Variants in RIMS2 observed in about 807,000 individuals in gnomAD.
RIMS2 encodes regulating synaptic membrane exocytosis protein 2.
A neutral mutation model predicts 174.4 loss-of-function variants in RIMS2; 59 were observed. The ratio of observed to expected loss-of-function variants is 0.34; its 90% CI spans 0.27 to 0.42. The LOEUF (loss-of-function observed/expected upper bound fraction) is 0.42. Among genes scored for constraint, RIMS2 ranks in the 10% least tolerant of loss-of-function variants. RIMS2 has a pLI of 1.00. For synonymous variants in RIMS2, 606 were observed against 572.5 expected (o/e 1.06, Z -0.84); for missense variants, 1,620 against 1,666.3 (o/e 0.97, Z 0.48).
intron 19 of RIMS2, among the ~76,000 whole-genome samples, chr8:104,026,752 T>G (rs1448376799): frequency 2.0e-5 from 3 of 152,194 alleles, no homozygotes; most frequent in Non-Finnish European, 2.9e-5. Context: ...CTGCAGGCAT[T>G]CTAGGTATTG....
chr8:103,637,724 G>C (rs10955322), intron 1 of RIMS2, among the ~76,000 whole-genome samples: 27,715 of 152,092 alleles, frequency 0.18, 2,770 homozygotes, highest in African/African-American at 0.26. Context: ...AAGAAAACAG[G>C]ATTGGTACAA....
At chr8:104,136,945 A>C (rs1158242009) in intron 19 of RIMS2, among the ~76,000 whole-genome samples, 1 of 152,196 alleles carries the variant, frequency 6.6e-6, no homozygotes, top group East Asian at 1.9e-4. Context: ...CCCGGATTTA[A>C]AAGTTAAAAA....
chr8:103,851,062 A>T (rs1314967763), intron 3 of RIMS2, among the ~76,000 whole-genome samples: 1 of 152,016 alleles, frequency 6.6e-6, no homozygotes, highest in Non-Finnish European at 1.5e-5. Context: ...ATTTTTGTCA[A>T]ATCTAATGTG....
intron 19 of RIMS2, among the ~76,000 whole-genome samples, chr8:104,148,320 G>T (rs1196274926): frequency 1.3e-5 from 2 of 151,978 alleles, no homozygotes; most frequent in Non-Finnish European, 2.9e-5. Flanking sequence ...TGTCTTAAAT[G>T]AACCCACTGA....
intron 3 of RIMS2, among the ~76,000 whole-genome samples, chr8:103,876,864 TTATATATATATA>T (rs199997824): frequency 0.03 from 2,049 of 68,018 alleles, 134 homozygotes; most frequent in African/African-American, 0.089. Context: ...ACACACTATT[TTATATATATATA>T]TATATATATA....
intron 19 of RIMS2, among the ~76,000 whole-genome samples, chr8:104,078,657 C>T (rs2097347223): frequency 6.6e-6 from 1 of 152,202 alleles, no homozygotes; most frequent in Non-Finnish European, 1.5e-5. Context: ...TAACACATCT[C>T]TACAAAGTAG....
chr8:103,782,444 G>GTA (rs1449895808), intron 3 of RIMS2, among the ~76,000 whole-genome samples: 47 of 151,720 alleles, frequency 3.1e-4, no homozygotes, highest in Admixed American at 3.1e-3. Context: ...GTGTGTGTGT[G>GTA]TGTGTGTGTG....
chr8:104,092,211 C>A (rs1448576490), intron 19 of RIMS2, among the ~76,000 whole-genome samples: 1 of 151,732 alleles, frequency 6.6e-6, no homozygotes, highest in Non-Finnish European at 1.5e-5. Context: ...ATGTTTATAT[C>A]TATCTAATAC....
intron 1 of RIMS2, among the ~76,000 whole-genome samples, chr8:103,584,127 G>A (rs1298076483): frequency 2.0e-5 from 3 of 152,142 alleles, no homozygotes; most frequent in Non-Finnish European, 4.4e-5. Context: ...TAGAGCTCCA[G>A]TATATCTGGC....
intron 19 of RIMS2, among the ~76,000 whole-genome samples, chr8:104,193,057 C>G (rs1374914009): frequency 6.6e-6 from 1 of 151,286 alleles, no homozygotes; most frequent in Non-Finnish European, 1.5e-5. Context: ...TCCCCTCTCT[C>G]TCTCTCTCCC....
chr8:103,868,883 A>G (rs1002775314), intron 3 of RIMS2, among the ~76,000 whole-genome samples: 17 of 152,196 alleles, frequency 1.1e-4, no homozygotes, highest in African/African-American at 3.9e-4. Flanking sequence ...ACTAATATAA[A>G]TATAAGCATT....
At chr8:103,950,044 T>C (rs536366978) in intron 14 of RIMS2, among the ~76,000 whole-genome samples, 2 of 152,234 alleles carry the variant, frequency 1.3e-5, no homozygotes, top group Non-Finnish European at 2.9e-5. Context: ...AAAATTTCCT[T>C]GAAACACACA....
At chr8:103,519,527 C>T (rs76801764) in intron 1 of RIMS2, among the ~76,000 whole-genome samples, 1,766 of 152,198 alleles carry the variant, frequency 0.012, 33 homozygotes, top group African/African-American at 0.039. Context: ...GCTCTTACCC[C>T]ACAATTCTCA....
chr8:103,748,387 C>T (rs893598832), intron 2 of RIMS2, among the ~76,000 whole-genome samples: 27 of 151,982 alleles, frequency 1.8e-4, no homozygotes, highest in African/African-American at 2.7e-4. Flanking sequence ...TGCGGCTGCA[C>T]GAGCCGTGAT....
intron 4 of RIMS2, among the ~76,000 whole-genome samples, chr8:103,890,469 G>A (rs577073755): frequency 1.3e-5 from 2 of 152,028 alleles, no homozygotes; most frequent in South Asian, 4.1e-4. Context: ...AAAATAACTA[G>A]CAATATAAGG....
At chr8:103,798,411 C>T (rs2098571570) in intron 3 of RIMS2, among the ~76,000 whole-genome samples, 1 of 152,008 alleles carries the variant, frequency 6.6e-6, no homozygotes, top group Admixed American at 6.6e-5. Context: ...ATAGAAGATA[C>T]AGCATTGTGT....
rs1273133386 is a variant in RIMS2, at chr8:104,146,164, GA to G, written c.3335-98751del. Among the ~76,000 whole-genome samples the G allele has an allele frequency of 9.6e-5, 12 of 124,428 alleles. No homozygotes were observed. The Admixed American group carries it at 1.1e-3, about 12-fold the overall frequency. 81.6% of individuals were successfully genotyped at this position (124,428 alleles called of 152,430 possible). A position where few individuals can be genotyped will look rare whatever the true frequency, so the allele number is the denominator to read the frequency against. On this transcript the variant is annotated intron_variant, in intron 19 of 23. Transcript: ENST00000504942. ...AGGATCACTTGCGTCCAGGAGTTGA[GA>G]CCAGCCCGGGCAACACAGTGAGAAC... is the stretch of plus-strand genomic sequence containing the variant.
At chr8:104,153,886 C>T (rs2098705325) in intron 19 of RIMS2, among the ~76,000 whole-genome samples, 1 of 152,056 alleles carries the variant, frequency 6.6e-6, no homozygotes, top group Non-Finnish European at 1.5e-5. Context: ...TCTGACAGGT[C>T]AAGTAAGATG....
intron 2 of RIMS2, among the ~76,000 whole-genome samples, chr8:103,735,550 T>G (rs2097674883): frequency 6.6e-6 from 1 of 152,196 alleles, no homozygotes; most frequent in Non-Finnish European, 1.5e-5. Context: ...GGTGGATTAT[T>G]CATGTGATTT....
Sources: allele counts gnomAD v4.1 joint callset (sites outside exome capture counted in the v4.1 genomes callset), GRCh38; gene constraint gnomAD v4.1.1; transcripts MANE v1.5; gene names NCBI Gene and HGNC (gene_info 2026-07-23, HGNC 2026-07-21).